Variants in CACNA2D2 observed in about 807,000 individuals in gnomAD.
The protein encoded by CACNA2D2 is calcium voltage-gated channel auxiliary subunit alpha2delta 2.
CACNA2D2 carries 48 observed loss-of-function variants against 166.4 expected under a neutral mutation model. The ratio of observed to expected loss-of-function variants is 0.29; its 90% CI spans 0.23 to 0.37. The LOEUF (loss-of-function observed/expected upper bound fraction) is 0.37, where lower values mean the gene tolerates loss of function less well. CACNA2D2 is among the 10% of genes least tolerant of loss of function. The pLI, the probability that CACNA2D2 is intolerant of heterozygous loss-of-function variation, is 1.00. For synonymous variants in CACNA2D2, 561 were observed against 573.7 expected (o/e 0.98, Z 0.32); for missense variants, 1,122 against 1,433.0 (o/e 0.78, Z 3.50).
intron 2 of CACNA2D2, among the ~76,000 whole-genome samples, chr3:50,475,544 G>A (rs1023439470): frequency 2.6e-5 from 4 of 152,188 alleles, no homozygotes; most frequent in Non-Finnish European, 4.4e-5. Context: ...TGCAGCTTCC[G>A]GGGGTGATGG....
chr3:50,398,006 C>T (rs183782300), intron 3 of CACNA2D2, among the ~76,000 whole-genome samples: 86 of 152,296 alleles, frequency 5.6e-4, no homozygotes, highest in African/African-American at 2.0e-3. Context: ...TGCCCCACCC[C>T]TGGAGGTTCA....
chr3:50,399,908 G>T (rs895940938), intron 3 of CACNA2D2, among the ~76,000 whole-genome samples: 1 of 152,062 alleles, frequency 6.6e-6, no homozygotes, highest in Non-Finnish European at 1.5e-5. Flanking sequence ...CTGTCCCTCC[G>T]AGTTGCCCCC....
chr3:50,397,608 A>G (rs1706225843), intron 3 of CACNA2D2, among the ~76,000 whole-genome samples: 1 of 152,176 alleles, frequency 6.6e-6, no homozygotes, highest in Admixed American at 6.5e-5. Context: ...AACTGGACAT[A>G]GTAACTGCAC....
intron 2 of CACNA2D2, among the ~76,000 whole-genome samples, chr3:50,442,329 G>A (rs138760806): frequency 5.8e-4 from 88 of 152,308 alleles, no homozygotes; most frequent in African/African-American, 2.1e-3. Flanking sequence ...CAGGACCAAA[G>A]CCATCCACGA....
rs587648926 is a variant in CACNA2D2 at position 50,379,601 on chromosome 3, A to T, written c.994-11T>A. 6.2e-7 allele frequency: 1 copy of T among 1,613,680 alleles called. No homozygotes were observed. The highest frequency in any genetic ancestry group is 1.1e-5 in the South Asian group (1 of 91,088). ...TGCCTTCTCGTTGAACTGCAGGAAC[A>T]GTAGGGTGGTGAGTGGCCTCAGGCT... On this transcript the variant is annotated splice_polypyrimidine_tract_variant and intron_variant, in intron 10 of 37. Transcript: ENST00000424201. This position sits in a 1 kb window ranked among gnomAD's most constrained non-coding sequence, Gnocchi z 6.5.
At chr3:50,420,220 AG>A (rs1260245552) in intron 3 of CACNA2D2, among the ~76,000 whole-genome samples, 10 of 152,230 alleles carry the variant, frequency 6.6e-5, no homozygotes, top group Non-Finnish European at 1.5e-4. Context: ...TGGGGCAGCA[AG>A]GGGGAGAGCA....
intron 2 of CACNA2D2, among the ~76,000 whole-genome samples, chr3:50,442,040 G>A (rs1279070198): frequency 2.0e-5 from 3 of 152,228 alleles, no homozygotes; most frequent in Non-Finnish European, 4.4e-5. Flanking sequence ...TGGATTCCAG[G>A]CTGCCATCGT....
intron 22 of CACNA2D2, 100 bp downstream of exon 22, chr3:50,374,637 C>T (rs1055947974): frequency 7.3e-7 from 1 of 1,368,964 alleles, no homozygotes; most frequent in Non-Finnish European, 1.0e-6. Context: ...GCAGGAGGGA[C>T]TGCCTCGCCG....
chr3:50,406,786 C>A (rs950142892), intron 3 of CACNA2D2, among the ~76,000 whole-genome samples: 2 of 151,826 alleles, frequency 1.3e-5, no homozygotes, highest in African/African-American at 4.8e-5. Context: ...CGACCATCAC[C>A]CCACTGTGGT....
At chr3:50,374,861 C>G (rs762674179) in intron 21 of CACNA2D2, 48 bp from the exon 22 acceptor site, 53 of 1,427,144 alleles carry the variant, frequency 3.7e-5, no homozygotes, top group Non-Finnish European at 5.1e-5. Context: ...GCGGGCCACA[C>G]TGGCACCCCC....
At chr3:50,433,000 T>G (rs1463859617) in intron 3 of CACNA2D2, among the ~76,000 whole-genome samples, 2 of 152,202 alleles carry the variant, frequency 1.3e-5, no homozygotes, top group Admixed American at 6.5e-5. Context: ...AAAAAACTGC[T>G]TTATTGAGAT....
intron 3 of CACNA2D2, among the ~76,000 whole-genome samples, chr3:50,425,109 T>C (rs1246965478): frequency 1.3e-5 from 2 of 152,138 alleles, no homozygotes; most frequent in Non-Finnish European, 2.9e-5. Flanking sequence ...AGCTTGTGGA[T>C]ATGCAGCTAC....
At chr3:50,423,883 A>G (rs778071293) in intron 3 of CACNA2D2, among the ~76,000 whole-genome samples, 35 of 152,224 alleles carry the variant, frequency 2.3e-4, no homozygotes, top group Non-Finnish European at 4.3e-4. Flanking sequence ...AAAGAGGGGA[A>G]GGCTGGCAGG....
At chr3:50,429,870 G>A (rs1707989020) in intron 3 of CACNA2D2, among the ~76,000 whole-genome samples, 3 of 151,662 alleles carry the variant, frequency 2.0e-5, no homozygotes, top group Admixed American at 6.6e-5. Context: ...CTGACCCCCC[G>A]AGAATCTGAT....
intron 1 of CACNA2D2, among the ~76,000 whole-genome samples, chr3:50,478,441 C>G (rs1325764776): frequency 1.3e-5 from 2 of 152,162 alleles, no homozygotes; most frequent in South Asian, 2.1e-4. Flanking sequence ...CAAAGGGAAC[C>G]ATTAGCTCTG....
chr3:50,498,737 G>T (rs895716038), intron 1 of CACNA2D2, among the ~76,000 whole-genome samples: 1 of 152,210 alleles, frequency 6.6e-6, no homozygotes, highest in African/African-American at 2.4e-5. Context: ...GTTACAGCTG[G>T]AAGTCCCAGG....
intron 1 of CACNA2D2, among the ~76,000 whole-genome samples, chr3:50,487,604 T>C (rs1698344474): frequency 6.6e-6 from 1 of 151,990 alleles, no homozygotes; most frequent in Non-Finnish European, 1.5e-5. Context: ...GCAAAGCAAA[T>C]CCCCTCTGCA....
At chr3:50,448,363 T>C (rs1708950312) in intron 2 of CACNA2D2, among the ~76,000 whole-genome samples, 1 of 152,170 alleles carries the variant, frequency 6.6e-6, no homozygotes, top group Non-Finnish European at 1.5e-5. Context: ...TGCAAATTTA[T>C]CTCCTGCCAT....
At chr3:50,485,540 T>A (rs1261919086) in intron 1 of CACNA2D2, among the ~76,000 whole-genome samples, 1 of 152,212 alleles carries the variant, frequency 6.6e-6, no homozygotes, top group African/African-American at 2.4e-5. Flanking sequence ...GTTGAGGCTG[T>A]TCTGAAGCAT....
Sources: allele counts gnomAD v4.1 joint callset (sites outside exome capture counted in the v4.1 genomes callset), GRCh38; gene constraint gnomAD v4.1.1; non-coding constraint Gnocchi (gnomAD v3.1); transcripts MANE v1.5; gene names NCBI Gene and HGNC (gene_info 2026-07-23, HGNC 2026-07-21).